Variants in NXN observed in about 807,000 individuals in gnomAD.
NXN encodes the protein nucleoredoxin, also known as nucleoredoxin 1.
A neutral mutation model predicts 48.6 loss-of-function variants in NXN; 16 were observed. The ratio of observed to expected loss-of-function variants is 0.33; its 90% CI spans 0.22 to 0.50. NXN has a LOEUF of 0.50. Among genes scored for constraint, NXN ranks in the 20% least tolerant of loss-of-function variants. The pLI is 0.98. For missense variants in NXN, 492 were observed against 605.5 expected (o/e 0.81, Z 1.97); for synonymous variants, 281 against 269.6 (o/e 1.04, Z -0.41).
intron 7 of NXN, among the ~76,000 whole-genome samples, chr17:803,403 G>C (rs1911309623): frequency 6.6e-6 from 1 of 152,162 alleles, no homozygotes; most frequent in Non-Finnish European, 1.5e-5. Flanking sequence ...TGCAGCCACG[G>C]CCACTCTCCC....
At chr17:946,108 A>G (rs1567513691) in intron 1 of NXN, among the ~76,000 whole-genome samples, 1 of 151,976 alleles carries the variant, frequency 6.6e-6, no homozygotes, top group Non-Finnish European at 1.5e-5. Context: ...GAGTTGATGT[A>G]TTCTAGGCGC....
intron 1 of NXN, among the ~76,000 whole-genome samples, chr17:912,719 G>A (rs1349164893): frequency 1.3e-5 from 2 of 152,120 alleles, no homozygotes; most frequent in South Asian, 2.1e-4. Context: ...TTGGGAGGCC[G>A]ATGCGGGCGG....
rs745975346 is a variant in NXN at position 870,148 on chromosome 17, C to T, written c.361-44070G>A. ...CAGCAAAGAAGTACCTGGCTCAGAA[C>T]GTCAGCAGGGCCAAGAAACCCCACA... On this transcript the variant is annotated intron_variant, in intron 1 of 7. Transcript: ENST00000336868. 1.4e-4 allele frequency among the ~76,000 whole-genome samples: 22 copies of T among 152,064 alleles called. 1 individual carries two copies. Among genetic ancestry groups the T allele is most frequent in the Admixed American group, 1.2e-3 (18 of 15,254 alleles).
chr17:832,109 T>C (rs749174168), intron 1 of NXN, among the ~76,000 whole-genome samples: 8 of 151,608 alleles, frequency 5.3e-5, no homozygotes, highest in Non-Finnish European at 1.2e-4. Context: ...ACATGATTAT[T>C]AGAGTGGTTT....
intron 1 of NXN, among the ~76,000 whole-genome samples, chr17:850,257 G>C (rs144820223): frequency 2.3e-4 from 35 of 152,234 alleles, no homozygotes; most frequent in African/African-American, 8.4e-4. Context: ...ACGAGCCCCA[G>C]GGCCTGGGGA....
chr17:820,786 T>C (rs1332199893), intron 4 of NXN, among the ~76,000 whole-genome samples: 1 of 71,140 alleles, frequency 1.4e-5, no homozygotes, highest in African/African-American at 8.8e-5. Flanking sequence ...TAGCCGGGTG[T>C]GGTGGCCGGC....
At chr17:895,742 T>C (rs967576417) in intron 1 of NXN, among the ~76,000 whole-genome samples, 32 of 147,958 alleles carry the variant, frequency 2.2e-4, no homozygotes, top group Admixed American at 4.7e-4. Context: ...GGCGTGAACC[T>C]GAGAGGCGGA....
At chr17:853,738 T>TTTTTTTTTTTTC (rs1555614493) in intron 1 of NXN, among the ~76,000 whole-genome samples, 1 of 143,624 alleles carries the variant, frequency 7.0e-6, no homozygotes, top group African/African-American at 2.7e-5. Flanking sequence ...TTTTTTTTTT[T>TTTTTTTTTTTTC]CCAAGACGGA....
intron 1 of NXN, among the ~76,000 whole-genome samples, chr17:936,700 G>A (rs899541016): frequency 6.7e-5 from 10 of 150,114 alleles, no homozygotes; most frequent in African/African-American, 2.5e-4. Context: ...CAGAGCTGTC[G>A]GCGGTACCAG....
intron 1 of NXN, among the ~76,000 whole-genome samples, chr17:889,755 GAAAGAAAA>G (rs781276771): frequency 0.037 from 3,415 of 92,084 alleles, 168 homozygotes; most frequent in African/African-American, 0.12. Context: ...AAGAAAGAAA[GAAAGAAAA>G]AGAAAGAAAG....
At chr17:895,786 C>A (rs2068476510) in intron 1 of NXN, among the ~76,000 whole-genome samples, 1 of 79,788 alleles carries the variant, frequency 1.3e-5, no homozygotes, top group Admixed American at 1.5e-4. Context: ...CCACTGCACT[C>A]CAGCCTGGGT....
chr17:954,552 T>A (rs1355714535), intron 1 of NXN, among the ~76,000 whole-genome samples: 1 of 152,220 alleles, frequency 6.6e-6, no homozygotes, highest in Non-Finnish European at 1.5e-5. Flanking sequence ...CTCAGGCATA[T>A]TCGACCTCCC....
At chr17:812,831 T>C (rs552192129) in intron 5 of NXN, among the ~76,000 whole-genome samples, 1 of 148,730 alleles carries the variant, frequency 6.7e-6, no homozygotes, top group Non-Finnish European at 1.5e-5. Context: ...CGAGTGTGCA[T>C]GTGTGAGTGT....
chr17:921,472 C>T (rs1276435570), intron 1 of NXN, among the ~76,000 whole-genome samples: 2 of 152,162 alleles, frequency 1.3e-5, no homozygotes, highest in Non-Finnish European at 2.9e-5. Flanking sequence ...TCTCCTGGCC[C>T]CTCTGCATCT....
At position 860,639 on chromosome 17, in the gene NXN, C is replaced by T. The variant is rs964107431; in HGVS notation, c.361-34561G>A. The stretch of plus-strand genomic sequence containing the variant: ...GAACTCCTGACCTCAGGTGATCCAC[C>T]CACCTTGGCCTCCCAAAGTGCTGGG... On this transcript the variant is annotated intron_variant, in intron 1 of 7. Coordinates refer to ENST00000336868, the MANE Select transcript of NXN (RefSeq NM_022463.5). Among the ~76,000 whole-genome samples the T allele has an allele frequency of 5.3e-5, 8 of 152,158 alleles. No individual in the cohort carries two copies. In the East Asian group the frequency reaches 9.6e-4, roughly 18 times the overall value.
chr17:947,230 C>A (rs751123904), intron 1 of NXN, among the ~76,000 whole-genome samples: 5 of 152,100 alleles, frequency 3.3e-5, no homozygotes, highest in African/African-American at 4.8e-5. Context: ...ATCCTCAGGG[C>A]CTTCGAGGTC....
rs748681189 is a variant in NXN at position 826,049 on chromosome 17, G to A, written c.390C>T (p.Ser130=). The change falls in exon 2 of 8, where the codon TCC becomes TCT. Residue 130 remains serine, a synonymous_variant. Transcript: ENST00000336868. ...CGAGGAATATTAGTGATGGAATGTT[G>A]GAAATTCGGTATTTGTTCCAAAGTT... ...KLKLWNKYRI[S]NIPSLIFLDA... is the part of the protein sequence containing the mutation. The A allele has an allele frequency of 1.9e-5, 30 of 1,613,776 alleles. No homozygotes were observed. The highest frequency in any genetic ancestry group is 1.8e-4 in the East Asian group (8 of 44,884).
chr17:872,269 CAAG>C (rs1188500752), intron 1 of NXN, among the ~76,000 whole-genome samples: 1 of 148,814 alleles, frequency 6.7e-6, no homozygotes, highest in African/African-American at 2.5e-5. Context: ...ACATCAAAGA[CAAG>C]GAGAGAGACA....
At chr17:974,116 G>A (rs556799497) in intron 1 of NXN, among the ~76,000 whole-genome samples, 108 of 152,026 alleles carry the variant, frequency 7.1e-4, no homozygotes, top group African/African-American at 2.5e-3. Context: ...TTGGGAGGCT[G>A]AGCTGGGCGG....
Sources: allele counts gnomAD v4.1 joint callset (sites outside exome capture counted in the v4.1 genomes callset), GRCh38; gene constraint gnomAD v4.1.1; transcripts MANE v1.5; gene names NCBI Gene and HGNC (gene_info 2026-07-23, HGNC 2026-07-21).